The following TCEANC2 variants were observed in gnomAD, a reference collection of about 807,000 sequenced individuals.
TCEANC2 encodes transcription elongation factor A N-terminal and central domain-containing protein 2.
Under a neutral mutation model 22.8 loss-of-function variants are expected in TCEANC2, and 20 were observed. The ratio of observed to expected loss-of-function variants is 0.88; its 90% CI spans 0.62 to 1.28. The LOEUF (loss-of-function observed/expected upper bound fraction) is 1.28, where lower values mean the gene tolerates loss of function less well. Ranked by LOEUF, TCEANC2 falls within the 50% of genes most tolerant of loss-of-function variation. The pLI, the probability that TCEANC2 is intolerant of heterozygous loss-of-function variation, is 0.00. For synonymous variants in TCEANC2, 84 were observed against 95.5 expected (o/e 0.88, Z 0.70); for missense variants, 251 against 249.7 (o/e 1.01, Z -0.03).
intron 3 of TCEANC2, among the ~76,000 whole-genome samples, chr1:54,087,685 T>G (rs1658366032): frequency 6.6e-6 from 1 of 152,226 alleles, no homozygotes; most frequent in Admixed American, 6.5e-5. Context: ...ACGTCGCATT[T>G]GGTAGTTTGT....
At chr1:54,066,218 C>G (rs934435214) in intron 2 of TCEANC2, among the ~76,000 whole-genome samples, 2 of 150,152 alleles carry the variant, frequency 1.3e-5, no homozygotes, top group Non-Finnish European at 3.0e-5. Flanking sequence ...ACCACTGCAC[C>G]CAGCCTGTGC....
intron 3 of TCEANC2, among the ~76,000 whole-genome samples, chr1:54,076,252 A>G (rs1658141723): frequency 6.6e-6 from 1 of 151,576 alleles, no homozygotes; most frequent in South Asian, 2.1e-4. Context: ...CCCTTCTTCC[A>G]CCCTCCACCC....
At chr1:54,107,226 G>A (rs1236841598), downstream of TCEANC2, among the ~76,000 whole-genome samples, 5 of 152,196 alleles carry the variant, frequency 3.3e-5, no homozygotes, top group South Asian at 2.1e-4. Context: ...CAGGTGTTTC[G>A]TAGACTGTCC....
chr1:54,074,654 T>TA (rs1294250872), intron 3 of TCEANC2, among the ~76,000 whole-genome samples: 1 of 152,070 alleles, frequency 6.6e-6, no homozygotes, highest in Non-Finnish European at 1.5e-5. Context: ...AGAATGTTTC[T>TA]AGGAGGGGAT....
At chr1:54,065,669 C>T (rs1657940954) in intron 2 of TCEANC2, among the ~76,000 whole-genome samples, 1 of 151,962 alleles carries the variant, frequency 6.6e-6, no homozygotes, top group Admixed American at 6.6e-5. Context: ...AGTGTGATCT[C>T]ACCACTGCAC....
At chr1:54,077,204 G>A (rs1045513469) in intron 3 of TCEANC2, among the ~76,000 whole-genome samples, 2 of 152,192 alleles carry the variant, frequency 1.3e-5, no homozygotes, top group African/African-American at 4.8e-5. Flanking sequence ...TCGCTATGTT[G>A]CCACCCTTAT....
rs6703648 is a variant in TCEANC2 at position 54,055,953 on chromosome 1, G to A, written c.102+1429G>A. Among the ~76,000 whole-genome samples the A allele has an allele frequency of 6.9e-3, 1,056 of 152,312 alleles. 11 individuals carry two copies. Among genetic ancestry groups the A allele is most frequent in the African/African-American group, 0.024 (982 of 41,558 alleles). On this transcript the variant is annotated intron_variant, in intron 2 of 4. Coordinates refer to ENST00000234827, the MANE Select transcript of TCEANC2 (RefSeq NM_153035.3). ...AATTCTTCATTATTTGGAGCTGCTG[G>A]TGGTTTACAGGATACTTAGCATCCC...
chr1:54,082,960 G>T (rs1358823478), intron 3 of TCEANC2, among the ~76,000 whole-genome samples: 2 of 152,204 alleles, frequency 1.3e-5, no homozygotes, highest in Non-Finnish European at 2.9e-5. Flanking sequence ...CAGTAGACCT[G>T]TGGAGAAGTG....
In TCEANC2 at chr1:54,098,983, A is replaced by T. The variant is rs6676818; in HGVS notation, c.*2510A>T. On this transcript the variant is annotated 3_prime_UTR_variant, in exon 5 of 5. Coordinates refer to ENST00000234827, the MANE Select transcript of TCEANC2 (RefSeq NM_153035.3). ...GACACTGGCAGGAGAGTAGCTGGAG[A>T]TGAGGCAGGAGAGGAAGGCAAGGAC... The T allele has an allele frequency of 5.6e-3, 863 of 152,766 alleles. 10 individuals carry two copies. Among genetic ancestry groups the T allele is most frequent in the African/African-American group, 0.02 (823 of 41,544 alleles). The allele number at this position is 152,766 out of a possible 1,614,324, so 9.5% of individuals were successfully genotyped here. A position where few individuals can be genotyped will look rare whatever the true frequency, so the allele number is the denominator to read the frequency against.
intron 3 of TCEANC2, among the ~76,000 whole-genome samples, chr1:54,081,468 A>G (rs1485678953): frequency 6.6e-6 from 1 of 152,072 alleles, no homozygotes; most frequent in Non-Finnish European, 1.5e-5. Flanking sequence ...GCTGATCTCA[A>G]ACTCCTGCAC....
At chr1:54,106,819 G>A (rs970113735), downstream of TCEANC2, among the ~76,000 whole-genome samples, 5 of 152,142 alleles carry the variant, frequency 3.3e-5, no homozygotes, top group African/African-American at 1.2e-4. Flanking sequence ...TTTGGATGGG[G>A]TGAGGGGTTT....
exon 5 of TCEANC2, chr1:54,111,615 T>C (rs577285241): frequency 1.3e-5 from 2 of 152,292 alleles, no homozygotes; most frequent in African/African-American, 4.8e-5. Flanking sequence ...TTGATGATGA[T>C]GAAGATGAAG....
intron 1 of TCEANC2, 32 bp from the exon 2 acceptor site, chr1:54,054,349 G>A (rs2100347919): frequency 6.3e-7 from 1 of 1,586,782 alleles, no homozygotes; most frequent in East Asian, 2.3e-5. Flanking sequence ...GTCTTTAGTG[G>A]GGTTTTAGAA....
Position 54,104,376 on chromosome 1 carries a change from C to T in TCEANC2, c.*7903C>T, listed in dbSNP as rs1432461065. On this transcript the variant is annotated 3_prime_UTR_variant, in exon 5 of 5. Coordinates refer to ENST00000234827, the MANE Select transcript of TCEANC2 (RefSeq NM_153035.3). ...ACTGCACCCGGGCACTTGAGCTCCT[C>T]ATATCAGGAGACTACTAGGCAAGAA... The T allele has an allele frequency of 4.9e-5, 13 of 263,844 alleles. No homozygotes were observed. The highest frequency in any genetic ancestry group is 7.0e-5 in the Non-Finnish European group (9 of 127,992). 16.3% of individuals were successfully genotyped at this position (263,844 alleles called of 1,614,324 possible). A position where few individuals can be genotyped will look rare whatever the true frequency, so the allele number is the denominator to read the frequency against.
Position 54,104,544 on chromosome 1 carries a change from T to TTTTTTC in TCEANC2, c.*8084_*8089dup, listed in dbSNP as rs774728201. ...TTCTTGGTATTCCTTTGCCCAATTT[T>TTTTTTC]TTTTTCTTTTTCTTTTTCAGAGGTG... On this transcript the variant is annotated 3_prime_UTR_variant, in exon 5 of 5. Transcript: ENST00000234827. 3 of 454,340 alleles carry TTTTTTC rather than the reference T, an allele frequency of 6.6e-6. No homozygotes were observed. The highest frequency in any genetic ancestry group is 3.1e-5 in the South Asian group (2 of 64,076). 28.1% of individuals were successfully genotyped at this position (454,340 alleles called of 1,614,324 possible). A position where few individuals can be genotyped will look rare whatever the true frequency, so the allele number is the denominator to read the frequency against.
rs1463590515 is a variant in TCEANC2, at chr1:54,104,543, T to A, written c.*8070T>A. On this transcript the variant is annotated 3_prime_UTR_variant, in exon 5 of 5. Transcript: ENST00000234827. Reference sequence around the variant, plus strand: ...CTTCTTGGTATTCCTTTGCCCAATTTTTTTTTCTTTTTCTTTTTCAGAGGT... The same window carrying A: ...CTTCTTGGTATTCCTTTGCCCAATTATTTTTTCTTTTTCTTTTTCAGAGGT... 5 of 454,198 alleles carry A rather than the reference T, an allele frequency of 1.1e-5. No homozygotes were observed. Among genetic ancestry groups the A allele is most frequent in the South Asian group, 7.8e-5 (5 of 64,056 alleles). 28.1% of individuals were successfully genotyped at this position (454,198 alleles called of 1,614,324 possible).
At chr1:54,074,349 G>A (rs1280876371) in intron 3 of TCEANC2, among the ~76,000 whole-genome samples, 1 of 152,148 alleles carries the variant, frequency 6.6e-6, no homozygotes, top group African/African-American at 2.4e-5. Flanking sequence ...TGTAGTCCCA[G>A]CTACTCAGGA....
At chr1:54,091,101 A>G (rs1658438680) in intron 4 of TCEANC2, among the ~76,000 whole-genome samples, 1 of 152,152 alleles carries the variant, frequency 6.6e-6, no homozygotes, top group African/African-American at 2.4e-5. Context: ...TTGTTCCCAA[A>G]GAGTAAATTT....
At chr1:54,057,830 C>A (rs918309721) in intron 2 of TCEANC2, among the ~76,000 whole-genome samples, 4 of 152,180 alleles carry the variant, frequency 2.6e-5, no homozygotes, top group Admixed American at 6.5e-5. Context: ...TTTATTTATG[C>A]CTCATCCAAT....
Sources: allele counts gnomAD v4.1 joint callset (sites outside exome capture counted in the v4.1 genomes callset), GRCh38; gene constraint gnomAD v4.1.1; transcripts MANE v1.5; gene names NCBI Gene and HGNC (gene_info 2026-07-23, HGNC 2026-07-21).